Variants in CNGA1 observed in about 807,000 individuals in gnomAD.
The protein encoded by CNGA1 is cyclic nucleotide gated channel subunit alpha 1, also known as cyclic nucleotide-gated channel alpha-1.
Under a neutral mutation model 69.7 loss-of-function variants are expected in CNGA1, and 53 were observed. The observed-to-expected ratio is 0.76, with a 90% CI of 0.61 to 0.96. The LOEUF (loss-of-function observed/expected upper bound fraction) is 0.96. Ranked by LOEUF, CNGA1 falls within the 40% of genes least tolerant of loss-of-function variation. The pLI is 0.00. For synonymous variants in CNGA1, 249 were observed against 283.5 expected, an observed-to-expected ratio of 0.88 and a Z score of 1.22; for missense variants, 739 against 811.2, an observed-to-expected ratio of 0.91 and a Z score of 1.08.
chr4:47,940,287 C>CAGA (rs1738998037), intron 10 of CNGA1, among the ~76,000 whole-genome samples: 1 of 152,192 alleles, frequency 6.6e-6, no homozygotes, highest in Non-Finnish European at 1.5e-5. Flanking sequence ...ACCTACTTAA[C>CAGA]AGAAATACTT....
At chr4:47,951,671 A>T (rs1739749147) in intron 4 of CNGA1, among the ~76,000 whole-genome samples, 1 of 152,252 alleles carries the variant, frequency 6.6e-6, no homozygotes, top group African/African-American at 2.4e-5. Flanking sequence ...AATTCAGTAA[A>T]ATGCATTTAA....
intron 3 of CNGA1, among the ~76,000 whole-genome samples, chr4:47,953,442 T>C (rs145763997): frequency 5.3e-5 from 8 of 152,340 alleles, no homozygotes; most frequent in African/African-American, 1.9e-4. Flanking sequence ...TAATCTGCTG[T>C]GAATTTCCAT....
intron 3 of CNGA1, among the ~76,000 whole-genome samples, chr4:47,964,259 C>T (rs1282819233): frequency 6.6e-6 from 1 of 152,006 alleles, no homozygotes; most frequent in Non-Finnish European, 1.5e-5. Context: ...TTATTTCATT[C>T]ATCATAATAC....
chr4:47,998,380 G>A lies in CNGA1; in HGVS notation c.-123+12414C>T, dbSNP rs78783330. Among the ~76,000 whole-genome samples, 264 of 152,198 alleles carry A rather than the reference G, an allele frequency of 1.7e-3. 1 individual carries two copies. Among genetic ancestry groups the A allele is most frequent in the African/African-American group, 6.3e-3 (262 of 41,534 alleles). On this transcript the variant is annotated intron_variant, in intron 2 of 10. Coordinates refer to ENST00000514170, the MANE Select transcript of CNGA1 (RefSeq NM_001379270.1). ...GACTGGACAAAGAATAACTTCCAAG[G>A]TATTAACAGTTAAATAATCCCAAAA...
At chr4:47,979,674 A>C (rs1414988827) in intron 3 of CNGA1, among the ~76,000 whole-genome samples, 3 of 152,216 alleles carry the variant, frequency 2.0e-5, no homozygotes, top group Non-Finnish European at 4.4e-5. Flanking sequence ...TTTTGGAGGT[A>C]GTTCTTAGAC....
intron 2 of CNGA1, among the ~76,000 whole-genome samples, chr4:47,994,962 T>G (rs1742421148): frequency 6.6e-6 from 1 of 152,156 alleles, no homozygotes; most frequent in African/African-American, 2.4e-5. Context: ...GATACACAAT[T>G]GTTGGCTGAT....
intron 2 of CNGA1, among the ~76,000 whole-genome samples, chr4:47,988,771 G>A (rs1156816361): frequency 6.6e-6 from 1 of 151,938 alleles, no homozygotes; most frequent in African/African-American, 2.4e-5. Flanking sequence ...CATTCATTCA[G>A]TGTACATTTA....
chr4:47,963,162 G>T (rs1740551073), intron 3 of CNGA1, among the ~76,000 whole-genome samples: 5 of 152,282 alleles, frequency 3.3e-5, no homozygotes, highest in Admixed American at 2.6e-4. Context: ...TATTGCTCAG[G>T]CTGGTCTTGA....
At chr4:48,012,469 G>A (rs547874338) in intron 1 of CNGA1, among the ~76,000 whole-genome samples, 1 of 147,654 alleles carries the variant, frequency 6.8e-6, no homozygotes, top group South Asian at 2.2e-4. Context: ...AAAGGGTGGT[G>A]TTATGTAAAC....
chr4:47,958,631 A>C (rs1015758899), intron 3 of CNGA1, among the ~76,000 whole-genome samples: 1 of 152,106 alleles, frequency 6.6e-6, no homozygotes, highest in African/African-American at 2.4e-5. Flanking sequence ...CAAAAAAAAA[A>C]AAAATAGACG....
At chr4:47,939,687 C>T (rs558707966) in intron 10 of CNGA1, among the ~76,000 whole-genome samples, 1 of 152,292 alleles carries the variant, frequency 6.6e-6, no homozygotes, top group Admixed American at 6.5e-5. Context: ...AATTTTAACC[C>T]AGCTGGTGTT....
At chr4:47,980,379 T>C (rs1230857518) in intron 3 of CNGA1, among the ~76,000 whole-genome samples, 1 of 152,194 alleles carries the variant, frequency 6.6e-6, no homozygotes, top group Non-Finnish European at 1.5e-5. Flanking sequence ...TTTTGAAACA[T>C]GTAATCTTAT....
In CNGA1 at chr4:47,936,701, T is replaced by G. The variant is rs773644867; in HGVS notation, c.1781A>C (p.Lys594Thr). The change falls in exon 11 of 11, where the codon AAA becomes ACA. Residue 594 changes from lysine (K) to threonine (T), a missense_variant. By Grantham distance (78) the Lys-to-Thr change is moderately conservative. Transcript: ENST00000514170. ...YPDAKTMLEE[K>T]GKQILMKDGL... The stretch of plus-strand genomic sequence containing the variant: ...ATCTTTCATTAAAATCTGCTTCCCT[T>G]TCTCTTCCAGCATAGTTTTGGCATC... 6.2e-7 allele frequency: 1 copy of G among 1,614,162 alleles called. No homozygotes were observed. The highest frequency in any genetic ancestry group is 8.5e-7 in the Non-Finnish European group (1 of 1,180,026).
intron 3 of CNGA1, among the ~76,000 whole-genome samples, chr4:47,963,171 G>A (rs1740551635): frequency 6.6e-6 from 1 of 152,154 alleles, no homozygotes; most frequent in Admixed American, 6.5e-5. Context: ...GGCTGGTCTT[G>A]AACTCCAGAC....
intron 9 of CNGA1, 26 bp downstream of exon 9, chr4:47,942,012 CAAA>C (rs10709670): frequency 3.9e-3 from 4,489 of 1,159,706 alleles, no homozygotes; most frequent in Non-Finnish European, 4.3e-3. Context: ...GTGAGATCCA[CAAA>C]AAAAAAAAAA....
intron 10 of CNGA1, among the ~76,000 whole-genome samples, chr4:47,939,033 AGAAAGAAAGAAAGAAG>A (rs1410290942): frequency 6.6e-6 from 1 of 151,802 alleles, no homozygotes; most frequent in Admixed American, 6.6e-5. Context: ...AGAAAGAAAG[AGAAAGAAAGAAAGAAG>A]GAAAGAAAGA....
intron 3 of CNGA1, among the ~76,000 whole-genome samples, chr4:47,968,785 G>A (rs964547755): frequency 1.3e-5 from 2 of 152,122 alleles, no homozygotes; most frequent in African/African-American, 4.8e-5. Flanking sequence ...TTATCAGGTG[G>A]AAATGGGGCA....
Position 47,936,794 on chromosome 4 carries a change from C to A in CNGA1, c.1688G>T (p.Ser563Ile), listed in dbSNP as rs1208196079. 2.5e-6 allele frequency: 4 copies of A among 1,614,132 alleles called. No homozygotes were observed. Among genetic ancestry groups the A allele is most frequent in the Non-Finnish European group, 3.4e-6 (4 of 1,180,012 alleles). ...AGNRRTANIK[S>I]IGYSDLFCLS... ...ACAGAACAGGTCTGAGTAGCCAATA[C>A]TTTTAATATTGGCCGTTCTTCGATT... Residue 563 changes from serine (S) to isoleucine (I), a missense_variant, in exon 11 of 11, where the codon AGT (serine) becomes ATT (isoleucine). Transcript: ENST00000514170.
chr4:47,981,530 A>AT (rs1177256666), intron 2 of CNGA1, 30 bp from the exon 3 acceptor site: 1 of 152,106 alleles, frequency 6.6e-6, no homozygotes, highest in Non-Finnish European at 1.5e-5. Flanking sequence ...AAACATGCTG[A>AT]TTTTTTCCCT....
Sources: gnomAD v4.1 joint callset for allele counts (sites outside exome capture counted in the v4.1 genomes callset) on GRCh38, gnomAD v4.1.1 for gene constraint, MANE v1.5 for transcripts, NCBI Gene and HGNC (gene_info 2026-07-23, HGNC 2026-07-21) for gene names.